ENTREP2: variants seen among roughly 807,000 people sequenced by gnomAD.
ENTREP2 encodes protein ENTREP2.
chr15:29,620,356 C>T, the ENTREP2 span, among the ~76,000 whole-genome samples: 1 of 152,094 alleles, frequency 6.6e-6, no homozygotes, highest in Admixed American at 6.5e-5. Flanking sequence ...GGGTTGCTCT[C>T]CCATGCCCAG....
the ENTREP2 span, among the ~76,000 whole-genome samples, chr15:29,197,948 T>C: frequency 6.6e-6 from 1 of 152,136 alleles, no homozygotes; most frequent in Non-Finnish European, 1.5e-5. Context: ...CCATAACAAA[T>C]AATTTTTCAT....
chr15:29,460,395 C>T, the ENTREP2 span, among the ~76,000 whole-genome samples: 14 of 152,170 alleles, frequency 9.2e-5, no homozygotes, highest in African/African-American at 3.4e-4. Flanking sequence ...CTCTGGAAGG[C>T]CAAGGTGGGT....
At chr15:29,370,329 T>C in the ENTREP2 span, among the ~76,000 whole-genome samples, 9 of 152,180 alleles carry the variant, frequency 5.9e-5, no homozygotes, top group Non-Finnish European at 1.2e-4. Flanking sequence ...ACTATCCTAG[T>C]ATTAGACAAA....
At chr15:29,431,345 GA>G in the ENTREP2 span, among the ~76,000 whole-genome samples, 1 of 152,082 alleles carries the variant, frequency 6.6e-6, no homozygotes, top group Non-Finnish European at 1.5e-5. Context: ...CTAAAATTTT[GA>G]TGAAACAGGT....
chr15:29,387,638 C>T, the ENTREP2 span, among the ~76,000 whole-genome samples: 1 of 152,012 alleles, frequency 6.6e-6, no homozygotes, highest in African/African-American at 2.4e-5. Context: ...TCATATGGAA[C>T]CAAAAAAGAG....
chr15:29,575,516 T>TA, the ENTREP2 span, among the ~76,000 whole-genome samples: 1 of 152,022 alleles, frequency 6.6e-6, no homozygotes. Flanking sequence ...CCAGAACAAT[T>TA]AGACAAGAAA....
At chr15:29,661,536 C>T in the ENTREP2 span, among the ~76,000 whole-genome samples, 1 of 152,112 alleles carries the variant, frequency 6.6e-6, no homozygotes, top group African/African-American at 2.4e-5. Context: ...TTCAGATACC[C>T]TCACTGTGTT....
the ENTREP2 span, among the ~76,000 whole-genome samples, chr15:29,618,000 C>T: frequency 6.6e-6 from 1 of 152,208 alleles, no homozygotes; most frequent in Non-Finnish European, 1.5e-5. Flanking sequence ...CAAGGTTGGG[C>T]TTCCTCCACT....
At chr15:29,475,268 AG>A in the ENTREP2 span, among the ~76,000 whole-genome samples, 28 of 152,156 alleles carry the variant, frequency 1.8e-4, no homozygotes, top group Non-Finnish European at 8.8e-5. Flanking sequence ...GGCTCACAGC[AG>A]GCTGCATCTG....
At chr15:29,450,146 T>TG in the ENTREP2 span, among the ~76,000 whole-genome samples, 2 of 152,198 alleles carry the variant, frequency 1.3e-5, no homozygotes, top group Admixed American at 6.5e-5. Flanking sequence ...TTCTGAATAT[T>TG]GGACCTTTGT....
the ENTREP2 span, among the ~76,000 whole-genome samples, chr15:29,181,924 G>C: frequency 2.5e-4 from 38 of 152,122 alleles, no homozygotes; most frequent in African/African-American, 9.2e-4. Context: ...GACAAGGATG[G>C]CTACTGGCTC....
chr15:29,583,885 C>T, the ENTREP2 span, among the ~76,000 whole-genome samples: 1 of 152,070 alleles, frequency 6.6e-6, no homozygotes, highest in Admixed American at 6.6e-5. Context: ...CAACAATTAA[C>T]TCAAAATCCA....
chr15:29,635,998 GCGAGCCAAATCCCC>G, the ENTREP2 span, among the ~76,000 whole-genome samples: 2 of 152,098 alleles, frequency 1.3e-5, no homozygotes, highest in Admixed American at 6.5e-5. Flanking sequence ...CCTTCTCATG[GCGAGCCAAATCCCC>G]CTGTGCAGGA....
chr15:29,476,827 C>A, the ENTREP2 span, among the ~76,000 whole-genome samples: 222 of 152,300 alleles, frequency 1.5e-3, 1 homozygote, highest in Non-Finnish European at 2.4e-3. Flanking sequence ...CGGGAGCAGA[C>A]AGCGATGCCA....
chr15:29,487,184 G>A, the ENTREP2 span, among the ~76,000 whole-genome samples: 1 of 152,086 alleles, frequency 6.6e-6, no homozygotes, highest in African/African-American at 2.4e-5. Flanking sequence ...AAAAATAAAA[G>A]GGAAAAAGAA....
chr15:29,276,831 G>C, the ENTREP2 span, among the ~76,000 whole-genome samples: 995 of 152,092 alleles, frequency 6.5e-3, 13 homozygotes, highest in African/African-American at 0.023. Context: ...CTATTATTCA[G>C]GGGAAAAAAG....
At chr15:29,294,298 G>A in the ENTREP2 span, among the ~76,000 whole-genome samples, 175 of 152,358 alleles carry the variant, frequency 1.1e-3, no homozygotes, top group South Asian at 1.7e-3. Context: ...ACTCCCGTTA[G>A]TGGCCAGAGC....
the ENTREP2 span, among the ~76,000 whole-genome samples, chr15:29,387,336 G>T: frequency 2.0e-5 from 3 of 152,138 alleles, no homozygotes; most frequent in African/African-American, 7.2e-5. Context: ...CAGACAAAAA[G>T]AGAGCCAAAT....
chr15:29,393,235 T>C, the ENTREP2 span, among the ~76,000 whole-genome samples: 4 of 152,230 alleles, frequency 2.6e-5, no homozygotes, highest in Non-Finnish European at 4.4e-5. Context: ...TTGCTGTTCA[T>C]CAGTGAACTT....
Sources: gnomAD v4.1 joint callset for allele counts (sites outside exome capture counted in the v4.1 genomes callset) on GRCh38, gnomAD v4.1.1 for gene constraint, MANE v1.5 for transcripts, NCBI Gene and HGNC (gene_info 2026-07-23, HGNC 2026-07-21) for gene names.